PLXDC2: variants seen among roughly 807,000 people sequenced by gnomAD.
PLXDC2 encodes plexin domain containing 2, also known as plexin domain-containing protein 2.
Under a neutral mutation model 68.9 loss-of-function variants are expected in PLXDC2, and 40 were observed. The observed-to-expected ratio is 0.58, with a 90% CI of 0.45 to 0.76. The LOEUF is 0.76. Ranked by LOEUF, PLXDC2 falls within the 30% of genes least tolerant of loss-of-function variation. The probability of loss-of-function intolerance (pLI) is 0.00; values close to 1 mark genes in which losing one functional copy is unlikely to be tolerated. For synonymous variants in PLXDC2, 243 were observed against 234.2 expected, an observed-to-expected ratio of 1.04 and a Z score of -0.34; for missense variants, 644 against 661.9, an observed-to-expected ratio of 0.97 and a Z score of 0.30.
rs1330580242 is a variant in PLXDC2, at chr10:20,067,395, C to A, written c.472-775C>A. The stretch of plus-strand genomic sequence containing the variant: ...GATTGTATTTGAAACATGAAAATGT[C>A]TGCAGGTCAGCCGGGCATGGTGGCT... On this transcript the variant is annotated intron_variant, in intron 3 of 13. Transcript: ENST00000377252. Among the ~76,000 whole-genome samples, 5 of 152,230 alleles carry A rather than the reference C, an allele frequency of 3.3e-5. No individual in the cohort carries two copies. The South Asian group carries it at 6.2e-4, about 19-fold the overall frequency.
At chr10:20,277,017 C>T (rs1007752507) in intron 13 of PLXDC2, among the ~76,000 whole-genome samples, 1 of 151,858 alleles carries the variant, frequency 6.6e-6, no homozygotes, top group Non-Finnish European at 1.5e-5. Context: ...CAAGACCAGC[C>T]TGGCCAAGAT....
At chr10:19,979,936 G>A (rs187586815) in intron 1 of PLXDC2, among the ~76,000 whole-genome samples, 331 of 152,286 alleles carry the variant, frequency 2.2e-3, no homozygotes, top group African/African-American at 7.5e-3. Flanking sequence ...AATTGAATGT[G>A]TATCATTGAA....
chr10:20,107,332 A>G (rs1049700994), intron 4 of PLXDC2, among the ~76,000 whole-genome samples: 1 of 152,126 alleles, frequency 6.6e-6, no homozygotes, highest in African/African-American at 2.4e-5. Context: ...CCCGTTATCC[A>G]TCTAGTCCTT....
intron 1 of PLXDC2, among the ~76,000 whole-genome samples, chr10:19,833,606 G>A (rs567268000): frequency 1.3e-5 from 2 of 152,204 alleles, no homozygotes; most frequent in Admixed American, 6.5e-5. Context: ...GACACTAAGC[G>A]AAATTCTGCC....
intron 13 of PLXDC2, among the ~76,000 whole-genome samples, chr10:20,248,417 T>G (rs1366120540): frequency 1.8e-4 from 27 of 152,206 alleles, no homozygotes; most frequent in Admixed American, 1.8e-3. Context: ...AAGGAGAGAC[T>G]GAGTGAGGCT....
At chr10:20,115,072 T>C (rs1486648229) in intron 4 of PLXDC2, among the ~76,000 whole-genome samples, 21 of 152,192 alleles carry the variant, frequency 1.4e-4, no homozygotes, top group Admixed American at 1.4e-3. Context: ...CCTGAATGGC[T>C]AGATTCTGAT....
chr10:19,941,664 T>C (rs997061020), intron 1 of PLXDC2, among the ~76,000 whole-genome samples: 17 of 152,180 alleles, frequency 1.1e-4, no homozygotes, highest in Admixed American at 1.1e-3. Context: ...TTGAAGATCT[T>C]TACAGAAGGG....
chr10:20,200,100 G>T lies in PLXDC2; in HGVS notation c.1062-11569G>T, dbSNP rs576716391. Among the ~76,000 whole-genome samples the T allele has an allele frequency of 3.3e-5, 5 of 151,786 alleles. No individual in the cohort carries two copies. The South Asian group carries it at 1.0e-3, about 32-fold the overall frequency. On this transcript the variant is annotated intron_variant, in intron 9 of 13. Coordinates refer to ENST00000377252, the MANE Select transcript of PLXDC2 (RefSeq NM_032812.9). ...GAAATTTTAAAAGAAAAGGTTGGAA[G>T]ACTTCACTATGTAAATATACAAACT...
intron 1 of PLXDC2, among the ~76,000 whole-genome samples, chr10:19,955,946 G>A (rs1203846692): frequency 6.6e-6 from 1 of 152,088 alleles, no homozygotes; most frequent in Non-Finnish European, 1.5e-5. Context: ...AGGCATGGTG[G>A]CGGACACCTG....
intron 1 of PLXDC2, among the ~76,000 whole-genome samples, chr10:19,854,636 G>A (rs1374197768): frequency 6.6e-6 from 1 of 152,080 alleles, no homozygotes; most frequent in East Asian, 1.9e-4. Context: ...TATTTTATTT[G>A]GCAAGCGAAG....
chr10:19,910,923 C>T (rs61843663), intron 1 of PLXDC2, among the ~76,000 whole-genome samples: 8 of 151,990 alleles, frequency 5.3e-5, no homozygotes, highest in Non-Finnish European at 1.2e-4. Context: ...GGCAGAGAAT[C>T]GCTTGAACCT....
chr10:20,111,804 A>G (rs1833563943), intron 4 of PLXDC2, among the ~76,000 whole-genome samples: 1 of 152,230 alleles, frequency 6.6e-6, no homozygotes, highest in Admixed American at 6.5e-5. Flanking sequence ...ACAGATCCTA[A>G]CGTATACTTC....
At chr10:20,176,957 G>C (rs777749119) in intron 7 of PLXDC2, 42 bp from the exon 8 acceptor site, 1 of 1,407,802 alleles carries the variant, frequency 7.1e-7, no homozygotes, top group Non-Finnish European at 9.9e-7. Context: ...TTTTGTAAGC[G>C]AGGAAAGGTT....
chr10:19,971,148 T>A (rs1834345066), intron 1 of PLXDC2, among the ~76,000 whole-genome samples: 1 of 152,196 alleles, frequency 6.6e-6, no homozygotes, highest in Non-Finnish European at 1.5e-5. Context: ...TTGTTTAGAC[T>A]TTAAAGAAGC....
At chr10:19,877,384 A>T (rs1043726900) in intron 1 of PLXDC2, among the ~76,000 whole-genome samples, 1 of 152,208 alleles carries the variant, frequency 6.6e-6, no homozygotes, top group Non-Finnish European at 1.5e-5. Context: ...CCCATAACTC[A>T]GTCTCCCTTT....
chr10:20,124,244 G>A (rs111855573), intron 4 of PLXDC2, among the ~76,000 whole-genome samples: 65 of 152,186 alleles, frequency 4.3e-4, no homozygotes, highest in African/African-American at 1.4e-3. Flanking sequence ...CTGGGTCCAC[G>A]GATAAAACGT....
intron 12 of PLXDC2, among the ~76,000 whole-genome samples, chr10:20,229,961 A>G (rs1276939565): frequency 6.6e-6 from 1 of 152,236 alleles, no homozygotes; most frequent in Admixed American, 6.5e-5. Context: ...CTCAAAATTC[A>G]TTGGAGGAAT....
At chr10:20,256,066 A>T (rs1407652358) in intron 13 of PLXDC2, among the ~76,000 whole-genome samples, 1 of 152,036 alleles carries the variant, frequency 6.6e-6, no homozygotes, top group Non-Finnish European at 1.5e-5. Context: ...ATTACTATAG[A>T]TGAGATAAAT....
chr10:20,120,802 T>C (rs1452667259), intron 4 of PLXDC2, among the ~76,000 whole-genome samples: 1 of 152,142 alleles, frequency 6.6e-6, no homozygotes, highest in African/African-American at 2.4e-5. Flanking sequence ...TCCTTGAGGA[T>C]AGATTTCCAC....
Sources: allele counts gnomAD v4.1 joint callset (sites outside exome capture counted in the v4.1 genomes callset), GRCh38; gene constraint gnomAD v4.1.1; transcripts MANE v1.5; gene names NCBI Gene and HGNC (gene_info 2026-07-23, HGNC 2026-07-21).